The following NRXN3 variants were observed in gnomAD, a reference collection of about 807,000 sequenced individuals.
NRXN3 encodes neurexin 3.
A neutral mutation model predicts 137.6 loss-of-function variants in NRXN3; 32 were observed. The observed-to-expected ratio is 0.23, with a 90% confidence interval of 0.18 to 0.31. NRXN3 has a LOEUF of 0.31. Among genes scored for constraint, NRXN3 ranks in the 10% least tolerant of loss-of-function variants. The probability of loss-of-function intolerance (pLI) is 1.00; values close to 1 mark genes in which losing one functional copy is unlikely to be tolerated. For missense variants in NRXN3, 1,574 were observed against 2,062.5 expected (o/e 0.76, Z 4.59); for synonymous variants, 798 against 784.5 (o/e 1.02, Z -0.29).
intron 4 of NRXN3, among the ~76,000 whole-genome samples, chr14:78,333,399 G>T (rs2081070246): frequency 6.6e-6 from 1 of 152,162 alleles, no homozygotes; most frequent in Non-Finnish European, 1.5e-5. Context: ...ATGTATCAGA[G>T]AATAAGATGA....
intron 15 of NRXN3, among the ~76,000 whole-genome samples, chr14:79,331,285 T>C (rs574990812): frequency 3.4e-4 from 52 of 152,330 alleles, no homozygotes; most frequent in Admixed American, 8.5e-4. Context: ...CCCATGCTTA[T>C]GCACAAGGTA....
chr14:79,697,632 C>A lies in NRXN3; in HGVS notation c.3709C>A (p.Arg1237=). 6.2e-7 allele frequency: 1 copy of A among 1,610,396 alleles called. No individual in the cohort carries two copies. Among genetic ancestry groups the A allele is most frequent in the South Asian group, 1.1e-5 (1 of 90,918 alleles). ...PVEEWLQEKG[R]QLTIFNTQAQ... is the part of the protein sequence containing the mutation. ...GTTTCCTCCACCCAACCCACTAGGC[C>A]GGCAGTTAACCATCTTCAACACTCA... is the stretch of plus-strand genomic sequence containing the variant. The change falls in exon 19 of 21, where the codon CGG becomes AGG. Residue 1237 remains arginine, a splice_region_variant and synonymous_variant. Coordinates refer to ENST00000335750, the MANE Select transcript of NRXN3 (RefSeq NM_001330195.2).
At chr14:78,754,429 A>G (rs2098658254) in intron 8 of NRXN3, among the ~76,000 whole-genome samples, 1 of 152,072 alleles carries the variant, frequency 6.6e-6, no homozygotes, top group South Asian at 2.1e-4. Flanking sequence ...TTTCTACCAC[A>G]CAGGCTTTGC....
At chr14:79,061,928 C>T (rs535225586) in intron 15 of NRXN3, among the ~76,000 whole-genome samples, 2 of 152,266 alleles carry the variant, frequency 1.3e-5, no homozygotes, top group African/African-American at 4.8e-5. Context: ...ACACCTTACC[C>T]AGAGACTCCA....
chr14:78,612,071 T>G (rs2152471217), intron 4 of NRXN3, among the ~76,000 whole-genome samples: 2 of 152,356 alleles, frequency 1.3e-5, no homozygotes, highest in Middle Eastern at 3.4e-3. Flanking sequence ...AACAGCTTTC[T>G]GTTTTGCAAA....
At chr14:79,049,270 T>G (rs2099638508) in intron 15 of NRXN3, among the ~76,000 whole-genome samples, 1 of 152,000 alleles carries the variant, frequency 6.6e-6, no homozygotes, top group African/African-American at 2.4e-5. Context: ...TTCTAAATTA[T>G]TTGTTGTTAT....
chr14:78,622,096 G>C (rs184174167), intron 4 of NRXN3, among the ~76,000 whole-genome samples: 2 of 152,200 alleles, frequency 1.3e-5, no homozygotes, highest in African/African-American at 4.8e-5. Context: ...AAAGTGAAGG[G>C]GTGGGATGGG....
chr14:79,475,601 T>C (rs910637313), intron 16 of NRXN3, among the ~76,000 whole-genome samples: 11 of 152,126 alleles, frequency 7.2e-5, no homozygotes, highest in African/African-American at 2.2e-4. Flanking sequence ...AATTAGGTTT[T>C]CTACTCATTA....
rs1418282452 is a variant in NRXN3, at chr14:79,861,968, T to G, written c.*4T>G. The G allele has an allele frequency of 6.2e-6, 10 of 1,604,310 alleles. No individual in the cohort carries two copies. In the South Asian group the frequency reaches 6.7e-5, roughly 11 times the overall value. ...GGACAGGGAGTATTACGTGTAAACA[T>G]GCGAACACTGCTCACACGCGAGTTT... On this transcript the variant is annotated 3_prime_UTR_variant, in exon 21 of 21. Coordinates refer to ENST00000335750, the MANE Select transcript of NRXN3 (RefSeq NM_001330195.2). The surrounding 1 kb of genome is among the most constrained non-coding windows in gnomAD (Gnocchi z 5.4).
At chr14:79,303,583 G>A (rs1175219326) in intron 15 of NRXN3, among the ~76,000 whole-genome samples, 8 of 152,052 alleles carry the variant, frequency 5.3e-5, no homozygotes, top group African/African-American at 1.9e-4. Context: ...TGAAGTGAAA[G>A]CCACCCTCTT....
chr14:78,790,659 G>T (rs1333749854), intron 8 of NRXN3, among the ~76,000 whole-genome samples: 1 of 152,208 alleles, frequency 6.6e-6, no homozygotes, highest in Admixed American at 6.5e-5. Context: ...TGTGATGCCA[G>T]TTGCTGCATG....
chr14:79,805,039 G>A (rs1465565301), intron 19 of NRXN3, 73 bp from the exon 20 acceptor site: 8 of 1,033,216 alleles, frequency 7.7e-6, no homozygotes, highest in Non-Finnish European at 1.5e-6. Context: ...TGATGTCTTT[G>A]TTCATTAGTT....
At chr14:79,186,262 G>T (rs1343052730) in intron 15 of NRXN3, among the ~76,000 whole-genome samples, 1 of 147,974 alleles carries the variant, frequency 6.8e-6, no homozygotes, top group African/African-American at 2.5e-5. Flanking sequence ...AAAAAAAAAG[G>T]TGTTTCTTAC....
intron 4 of NRXN3, among the ~76,000 whole-genome samples, chr14:78,520,947 A>G (rs2096275870): frequency 6.6e-6 from 1 of 152,164 alleles, no homozygotes; most frequent in Non-Finnish European, 1.5e-5. Flanking sequence ...CTCGGCATAG[A>G]AGCTGTCAGT....
chr14:79,432,657 T>C (rs1198890015), intron 15 of NRXN3, among the ~76,000 whole-genome samples: 7 of 152,216 alleles, frequency 4.6e-5, no homozygotes, highest in African/African-American at 1.7e-4. Context: ...CTTGAAACAG[T>C]TATTTTTTCT....
At chr14:79,190,618 C>T (rs2064163786) in intron 15 of NRXN3, among the ~76,000 whole-genome samples, 1 of 152,000 alleles carries the variant, frequency 6.6e-6, no homozygotes. Flanking sequence ...TCTCGATATT[C>T]CGAGGTTATA....
intron 18 of NRXN3, among the ~76,000 whole-genome samples, chr14:79,697,250 G>T (rs967383263): frequency 6.6e-6 from 1 of 151,786 alleles, no homozygotes; most frequent in African/African-American, 2.4e-5. Flanking sequence ...TTACTTCGTA[G>T]CTTTAAACAT....
intron 15 of NRXN3, among the ~76,000 whole-genome samples, chr14:79,173,876 TAAAAG>T (rs1458860938): frequency 2.6e-5 from 4 of 152,140 alleles, no homozygotes; most frequent in African/African-American, 9.7e-5. Flanking sequence ...AGGCAGGAAA[TAAAAG>T]AAAACAGGAA....
At chr14:78,590,245 G>A (rs2097104727) in intron 4 of NRXN3, among the ~76,000 whole-genome samples, 1 of 152,134 alleles carries the variant, frequency 6.6e-6, no homozygotes, top group Non-Finnish European at 1.5e-5. Flanking sequence ...TCCCAAGCAT[G>A]GGGCCTGTAG....
Sources: gnomAD v4.1 joint callset for allele counts (sites outside exome capture counted in the v4.1 genomes callset) on GRCh38, gnomAD v4.1.1 for gene constraint, Gnocchi (gnomAD v3.1) non-coding constraint, MANE v1.5 for transcripts, NCBI Gene and HGNC (gene_info 2026-07-23, HGNC 2026-07-21) for gene names.